The following TRMT1 variants were observed in gnomAD, a reference collection of about 807,000 sequenced individuals.
TRMT1 encodes the protein tRNA methyltransferase 1.
TRMT1 carries 63 observed loss-of-function variants against 75.4 expected under a neutral mutation model. The ratio of observed to expected loss-of-function variants is 0.84; its 90% confidence interval spans 0.68 to 1.03. The LOEUF (loss-of-function observed/expected upper bound fraction) is 1.03, where lower values mean the gene tolerates loss of function less well. Ranked by LOEUF, TRMT1 falls within the 50% of genes least tolerant of loss-of-function variation. TRMT1 has a pLI of 0.00. For synonymous variants in TRMT1, 382 were observed against 358.1 expected (o/e 1.07, Z -0.75); for missense variants, 870 against 905.3 (o/e 0.96, Z 0.50).
chr19:13,113,144 C>T (rs1454040891), intron 5 of TRMT1, 133 bp from the exon 6 acceptor site: 2 of 511,196 alleles, frequency 3.9e-6, no homozygotes, highest in Middle Eastern at 5.1e-4. Flanking sequence ...CAAGTCCTGG[C>T]TCAGTCATTT....
intron 4 of TRMT1, 46 bp downstream of exon 4, chr19:13,115,580 C>G: frequency 6.2e-7 from 1 of 1,611,234 alleles, no homozygotes; most frequent in Non-Finnish European, 8.5e-7. Context: ...AGCCCTCTGT[C>G]TCCCGCTAAA....
chr19:13,109,955 G>T lies in TRMT1; in HGVS notation c.1066C>A (p.Leu356Ile). 6.2e-6 allele frequency: 10 copies of T among 1,613,858 alleles called. No homozygotes were observed. Among genetic ancestry groups the T allele is most frequent in the Non-Finnish European group, 7.6e-6 (9 of 1,179,960 alleles). ...FQCVGCGAFH[L>I]QRLGKASGVP... Reference sequence around the variant, plus strand: ...CCTGACGCTTTGCCGAGACGCTGAAGGTGGAAGGCCCCGCAGCCCACACAC... The same window carrying T: ...CCTGACGCTTTGCCGAGACGCTGAATGTGGAAGGCCCCGCAGCCCACACAC... The change falls in exon 9 of 17, where the codon CTT becomes ATT. Residue 356 changes from leucine to isoleucine, a missense_variant. By Grantham distance (5) the Leu-to-Ile change is conservative. Coordinates refer to ENST00000357720, the MANE Select transcript of TRMT1 (RefSeq NM_001136035.4).
At chr19:13,105,438 AC>A in intron 15 of TRMT1, 42 bp from the exon 16 acceptor site, 2 of 1,612,880 alleles carry the variant, frequency 1.2e-6, no homozygotes, top group African/African-American at 2.7e-5. Context: ...TCTGCCCTTT[AC>A]CCCTTCTTTC....
Position 13,110,286 on chromosome 19 carries a change from G to A in TRMT1, c.891C>T (p.His297=). 6.3e-7 allele frequency: 1 copy of A among 1,599,500 alleles called. No homozygotes were observed. Among genetic ancestry groups the A allele is most frequent in the Non-Finnish European group, 8.5e-7 (1 of 1,171,870 alleles). ...AGCAGTTGGCGCGGAGGTCCAGGCTGTGCAGGACGATTCTCAGGGCCTGGG... is the reference window on the plus strand; with the variant it reads ...AGCAGTTGGCGCGGAGGTCCAGGCTATGCAGGACGATTCTCAGGGCCTGGG... ...CHEMALRIVL[H]SLDLRANCYQ... The change falls in exon 8 of 17, where the codon CAC becomes CAT. Residue 297 remains histidine (H), a synonymous_variant. Coordinates refer to ENST00000357720, the MANE Select transcript of TRMT1 (RefSeq NM_001136035.4).
rs139000025 is a variant in TRMT1 at position 13,116,191 on chromosome 19, T to C, written c.209A>G (p.Asn70Ser). 2,809 of 1,614,110 alleles carry C rather than the reference T, an allele frequency of 1.7e-3. 2 individuals carry two copies. Among genetic ancestry groups the C allele is most frequent in the Non-Finnish European group, 2.2e-3 (2,621 of 1,180,026 alleles). The change falls in exon 2 of 17, where the codon AAC becomes AGC. Residue 70 changes from asparagine (N) to serine (S), a missense_variant. Asn to Ser is a conservative substitution (Grantham distance 46). Transcript: ENST00000357720. ...GAAKIAFPSANEVFYNPVQEF... is the reference protein window; with the variant it reads ...GAAKIAFPSASEVFYNPVQEF... ...CTGCACCGGGTTATAAAAGACCTCG[T>C]TGGCACTGGGAAAGGCGATTTTGGC...
Position 13,109,274 on chromosome 19 carries a change from C to T in TRMT1, c.1397+107G>A, listed in dbSNP as rs141799482. 3.4e-5 allele frequency: 44 copies of T among 1,299,524 alleles called. No homozygotes were observed. The Middle Eastern group carries it at 8.0e-4, about 24-fold the overall frequency. The allele number at this position is 1,299,524 out of a possible 1,614,324, so 80.5% of individuals were successfully genotyped here. A position where few individuals can be genotyped will look rare whatever the true frequency, so the allele number is the denominator to read the frequency against. Reference sequence around the variant, plus strand: ...GGATTACAGGAATGAGACAGTGCACCGGGTTCTCCCCACCCCCTCGCAAGT... The same window carrying T: ...GGATTACAGGAATGAGACAGTGCACTGGGTTCTCCCCACCCCCTCGCAAGT... On this transcript the variant is annotated intron_variant, in intron 12 of 16. Transcript: ENST00000357720.
At position 13,109,681 on chromosome 19, in the gene TRMT1, C is replaced by G. The variant is rs1178009468; in HGVS notation, c.1180G>C (p.Gly394Arg). Residue 394 changes from glycine (G) to arginine (R), a missense_variant, in exon 11 of 17, where the codon GGT becomes CGT. By Grantham distance (125) the Gly-to-Arg change is moderately radical. Coordinates refer to ENST00000357720, the MANE Select transcript of TRMT1 (RefSeq NM_001136035.4). Reference sequence around the variant, plus strand: ...ATGGGCTCTGCCCACATGGGGCCACCAAGCTGGGGGCGCACCGGGGACAGG... The same window carrying G: ...ATGGGCTCTGCCCACATGGGGCCACGAAGCTGGGGGCGCACCGGGGACAGG... ...CEHCGQRHQL[G>R]GPMWAEPIHD... The G allele has an allele frequency of 1.9e-6, 3 of 1,613,944 alleles. No homozygotes were observed. The highest frequency in any genetic ancestry group is 2.2e-5 in the South Asian group (2 of 91,082).
intron 7 of TRMT1, among the ~76,000 whole-genome samples, chr19:13,110,829 A>C (rs758309428): frequency 6.6e-6 from 1 of 152,202 alleles, no homozygotes; most frequent in Non-Finnish European, 1.5e-5. Context: ...GGGCGCCTGT[A>C]ATCCCAGCTA....
rs1163906027 is a variant in TRMT1, at chr19:13,115,700, C to T, written c.379G>A (p.Val127Ile). 6 of 1,614,092 alleles carry T rather than the reference C, an allele frequency of 3.7e-6. No homozygotes were observed. The South Asian group carries it at 4.4e-5, about 12-fold the overall frequency. ...VDLSEQEEEKVELKESENLAS... is the reference protein window; with the variant it reads ...VDLSEQEEEKIELKESENLAS... ...AGGTTTTCACTCTCTTTCAGTTCAA[C>T]CTTTTCCTCCTCTTGCTCTGACAAG... The change falls in exon 4 of 17, where the codon GTT becomes ATT. Residue 127 changes from valine to isoleucine, a missense_variant. Physicochemically the swap from Val to Ile is conservative, Grantham distance 29. Coordinates refer to ENST00000357720, the MANE Select transcript of TRMT1 (RefSeq NM_001136035.4).
chr19:13,115,473 G>A lies in TRMT1; in HGVS notation c.454-7C>T. On this transcript the variant is annotated splice_polypyrimidine_tract_variant and splice_region_variant and intron_variant, in intron 4 of 16. Coordinates refer to ENST00000357720, the MANE Select transcript of TRMT1 (RefSeq NM_001136035.4). ...CCAGCACATGCAGGCCTTCCTGTTG[G>A]AGTAAGCAGAAAACCTCCCTCACAT... 2 of 1,610,386 alleles carry A rather than the reference G, an allele frequency of 1.2e-6. No individual in the cohort carries two copies. Among genetic ancestry groups the A allele is most frequent in the Non-Finnish European group, 1.7e-6 (2 of 1,178,022 alleles).
At position 13,115,688 on chromosome 19, in the gene TRMT1, C is replaced by G; in HGVS notation, c.391G>C (p.Glu131Gln). 2 of 1,614,104 alleles carry G rather than the reference C, an allele frequency of 1.2e-6. No individual in the cohort carries two copies. The highest frequency in any genetic ancestry group is 1.7e-6 in the Non-Finnish European group (2 of 1,180,024). Reference protein sequence around the residue: ...EQEEEKVELKESENLASGDQP... With the variant: ...EQEEEKVELKQSENLASGDQP... ...TCTCCTGAGGCCAGGTTTTCACTCT[C>G]TTTCAGTTCAACCTTTTCCTCCTCT... The change falls in exon 4 of 17, where the codon GAG (glutamate) becomes CAG (glutamine). Residue 131 changes from glutamate to glutamine, a missense_variant. Coordinates refer to ENST00000357720, the MANE Select transcript of TRMT1 (RefSeq NM_001136035.4).
chr19:13,108,011 G>A (rs1182924291), intron 12 of TRMT1, 152 bp from the exon 13 acceptor site: 43 of 506,516 alleles, frequency 8.5e-5, no homozygotes, highest in Non-Finnish European at 1.2e-4. Flanking sequence ...TTTTTTTTGA[G>A]ATGGAGTCTC....
intron 14 of TRMT1, among the ~76,000 whole-genome samples, chr19:13,105,955 G>A (rs187304897): frequency 2.4e-4 from 37 of 152,200 alleles, no homozygotes; most frequent in Non-Finnish European, 2.5e-4. Flanking sequence ...CCAGCTACTC[G>A]GGACGCTGAG....
chr19:13,113,018 G>A lies in TRMT1; in HGVS notation c.642-7C>T. ...GTGCTGGTACATCAGCATCCTGGGTGCAAAGAGGGCCAGGTCCTCAGCCTC... is the reference window on the plus strand; with the variant it reads ...GTGCTGGTACATCAGCATCCTGGGTACAAAGAGGGCCAGGTCCTCAGCCTC... On this transcript the variant is annotated splice_polypyrimidine_tract_variant and splice_region_variant and intron_variant, in intron 5 of 16. Transcript: ENST00000357720. 1 of 1,602,390 alleles carries A rather than the reference G, an allele frequency of 6.2e-7. No homozygotes were observed. Among genetic ancestry groups the A allele is most frequent in the Non-Finnish European group, 8.5e-7 (1 of 1,173,810 alleles).
Position 13,105,330 on chromosome 19 carries a change from C to T in TRMT1, c.1770G>A (p.Pro590=), listed in dbSNP as rs201111321. The part of the protein sequence containing the change: ...RRLLQNKRKE[P]PEDVAQRAAR... Reference sequence around the variant, plus strand: ...CAGCCCGCTGGGCCACATCTTCCGGCGGCTCCTTCCGCTTGTTCTGAAGCA... The same window carrying T: ...CAGCCCGCTGGGCCACATCTTCCGGTGGCTCCTTCCGCTTGTTCTGAAGCA... The change falls in exon 16 of 17, where the codon CCG becomes CCA. Residue 590 remains proline (P), a synonymous_variant. Coordinates refer to ENST00000357720, the MANE Select transcript of TRMT1 (RefSeq NM_001136035.4). The T allele has an allele frequency of 1.9e-6, 3 of 1,613,986 alleles. No homozygotes were observed. The highest frequency in any genetic ancestry group is 1.3e-5 in the African/African-American group (1 of 75,060).
chr19:13,111,640 C>T (rs1178319371), intron 7 of TRMT1, among the ~76,000 whole-genome samples: 5 of 151,492 alleles, frequency 3.3e-5, no homozygotes, highest in Admixed American at 3.3e-4. Context: ...TCTTGAACAC[C>T]GCCCACCTCG....
rs755833006 is a variant in TRMT1, at chr19:13,112,778, G to A, written c.797C>T (p.Ala266Val). Residue 266 changes from alanine (A) to valine (V), a missense_variant, in exon 7 of 17, where the codon GCG becomes GTG. Coordinates refer to ENST00000357720, the MANE Select transcript of TRMT1 (RefSeq NM_001136035.4). Reference sequence around the variant, plus strand: ...GTAGCACGTCTCCCCGCTGTTCCCCGCCAACACCGCCATGTCTGTGCAGGT... The same window carrying A: ...GTAGCACGTCTCCCCGCTGTTCCCCACCAACACCGCCATGTCTGTGCAGGT... ...CVTCTDMAVL[A>V]GNSGETCYSK... The A allele has an allele frequency of 5.6e-6, 9 of 1,613,936 alleles. No individual in the cohort carries two copies. Among genetic ancestry groups the A allele is most frequent in the Middle Eastern group, 1.6e-4 (1 of 6,062 alleles).
In TRMT1 at chr19:13,107,816, C is replaced by A; in HGVS notation, c.1441G>T (p.Ala481Ser). 1.3e-6 allele frequency: 2 copies of A among 1,551,926 alleles called. No homozygotes were observed. Among genetic ancestry groups the A allele is most frequent in the Non-Finnish European group, 1.7e-6 (2 of 1,147,136 alleles). Residue 481 changes from alanine to serine, a missense_variant, in exon 13 of 17, where the codon GCC becomes TCC. Physicochemically the swap from Ala to Ser is moderately conservative, Grantham distance 99. Coordinates refer to ENST00000357720, the MANE Select transcript of TRMT1 (RefSeq NM_001136035.4). ...HADFRVSLSH[A>S]CKNAVKTDAP... ...TCCGTCTTCACAGCGTTCTTACAGG[C>A]GTGGGAGAGTGAGACCCGGAAGTCA...
In TRMT1 at chr19:13,109,980, C is replaced by T. The variant is rs774802503; in HGVS notation, c.1041G>A (p.Gln347=). The T allele has an allele frequency of 3.1e-6, 5 of 1,613,558 alleles. No individual in the cohort carries two copies. In the African/African-American group the frequency reaches 5.3e-5, roughly 17 times the overall value. ...ASASKQALVF[Q]CVGCGAFHLQ... is the part of the protein sequence containing the mutation. ...GGTGGAAGGCCCCGCAGCCCACACA[C>T]TGGAACACCAGCGCCTGCTTGCTGT... The change falls in exon 9 of 17, where the codon CAG becomes CAA. Residue 347 remains glutamine (Q), a synonymous_variant. Coordinates refer to ENST00000357720, the MANE Select transcript of TRMT1 (RefSeq NM_001136035.4).
Sources: allele counts gnomAD v4.1 joint callset (sites outside exome capture counted in the v4.1 genomes callset), GRCh38; gene constraint gnomAD v4.1.1; transcripts MANE v1.5; gene names NCBI Gene and HGNC (gene_info 2026-07-23, HGNC 2026-07-21).